The following ETFBKMT variants were observed in gnomAD, a reference collection of about 807,000 sequenced individuals.
ETFBKMT encodes electron transfer flavoprotein subunit beta lysine methyltransferase.
In ETFBKMT, 13 loss-of-function variants were observed where a neutral mutation model predicts 18.3. That is an observed-to-expected ratio of 0.71 (90% CI 0.46 to 1.13). The LOEUF is 1.13. Among genes scored for constraint, ETFBKMT ranks in the 50% most tolerant of loss-of-function variants. The pLI is 0.00. For synonymous variants in ETFBKMT, 84 were observed against 107.9 expected (o/e 0.78, Z 1.37); for missense variants, 293 against 306.2 (o/e 0.96, Z 0.32).
At chr12:31,666,990 T>C (rs1381699776) in intron 3 of ETFBKMT, among the ~76,000 whole-genome samples, 3 of 145,188 alleles carry the variant, frequency 2.1e-5, no homozygotes, top group South Asian at 4.4e-4. Flanking sequence ...GTCTCAGTTC[T>C]TTTTTTTTCT....
At chr12:31,656,717 T>C (rs769067498), upstream of ETFBKMT, among the ~76,000 whole-genome samples, 1 of 152,248 alleles carries the variant, frequency 6.6e-6, no homozygotes, top group Non-Finnish European at 1.5e-5. Context: ...GTTACCTTAG[T>C]TCTGTCTCCA....
chr12:31,661,774 T>G (rs1259039958), intron 1 of ETFBKMT, 67 bp from the exon 2 acceptor site: 8 of 630,546 alleles, frequency 1.3e-5, no homozygotes, highest in Middle Eastern at 4.0e-4. Context: ...TTTCTTATTA[T>G]GTAATAGGAT....
chr12:31,672,783 C>A lies in ETFBKMT; in HGVS notation c.*4793C>A. The A allele has an allele frequency of 6.0e-6, 1 of 166,936 alleles. No homozygotes were observed. The highest frequency in any genetic ancestry group is 6.0e-5 in the Admixed American group (1 of 16,606). The allele number at this position is 166,936 out of a possible 1,614,324, so 10.3% of individuals were successfully genotyped here. On this transcript the variant is annotated 3_prime_UTR_variant, in exon 4 of 4. Coordinates refer to ENST00000357721, the MANE Select transcript of ETFBKMT (RefSeq NM_001135863.2). ...AGCATTTAATGAAGGGAATATTTACCAAAAAAGTAGGATTAAAGAAAGCCA... is the reference window on the plus strand; with the variant it reads ...AGCATTTAATGAAGGGAATATTTACAAAAAAAGTAGGATTAAAGAAAGCCA...
At chr12:31,666,331 A>G (rs148562183) in intron 3 of ETFBKMT, 114 bp downstream of exon 3, 18 of 1,126,158 alleles carry the variant, frequency 1.6e-5, no homozygotes, top group Admixed American at 1.2e-4. Flanking sequence ...GTGATTGGAC[A>G]TTGTGAATCT....
chr12:31,665,550 G>A (rs913386201), intron 2 of ETFBKMT, among the ~76,000 whole-genome samples: 10 of 151,922 alleles, frequency 6.6e-5, no homozygotes, highest in African/African-American at 2.4e-4. Flanking sequence ...CGGCTGGGGA[G>A]ACCCTAACCC....
intron 1 of ETFBKMT, among the ~76,000 whole-genome samples, chr12:31,653,375 CTTAG>C (rs1355800498): frequency 4.6e-5 from 7 of 150,824 alleles, no homozygotes; most frequent in Admixed American, 2.0e-4. Flanking sequence ...GCACCACAGT[CTTAG>C]TTAGCTGAAG....
chr12:31,649,004 G>A (rs907747068), intron 1 of ETFBKMT, among the ~76,000 whole-genome samples: 3 of 143,638 alleles, frequency 2.1e-5, no homozygotes, highest in Admixed American at 7.3e-5. Context: ...TGGAGACGGA[G>A]TCTCGCTTTG....
At chr12:31,660,485 T>C (rs1451707290) in intron 1 of ETFBKMT, among the ~76,000 whole-genome samples, 1 of 152,188 alleles carries the variant, frequency 6.6e-6, no homozygotes, top group Non-Finnish European at 1.5e-5. Flanking sequence ...GTTTAAGTTG[T>C]TCCTCATTCT....
At chr12:31,649,762 TC>T (rs1950998677) in intron 1 of ETFBKMT, among the ~76,000 whole-genome samples, 1 of 90,154 alleles carries the variant, frequency 1.1e-5, no homozygotes, top group African/African-American at 4.7e-5. Flanking sequence ...TGTGTTCTTT[TC>T]CTTTTCTTTT....
At chr12:31,650,626 C>CTTTTTTTTTTTTTT (rs543201341) in intron 1 of ETFBKMT, among the ~76,000 whole-genome samples, 3,701 of 139,854 alleles carry the variant, frequency 0.026, 275 homozygotes, top group East Asian at 0.18. Context: ...AATGACCTGA[C>CTTTTTTTTTTTTTT]CTTTTTTTTT....
chr12:31,648,457 G>A (rs561575841), intron 1 of ETFBKMT, among the ~76,000 whole-genome samples: 202 of 149,232 alleles, frequency 1.4e-3, no homozygotes, highest in Non-Finnish European at 4.3e-4. Context: ...CGCCTCCCAG[G>A]TTCAAGCGAT....
In ETFBKMT at chr12:31,661,960, T is replaced by C. The variant is rs751030412; in HGVS notation, c.7T>C (p.Leu3=). ...GTGTTTGGGGAAAGGACTGATGGCT[T>C]TGAGTCTAGGTTGGAAAGCACACAG... MA[L]SLGWKAHRNH... The change falls in exon 2 of 4, where the codon TTG becomes CTG. Residue 3 remains leucine, a synonymous_variant. Transcript: ENST00000357721. 1 of 1,613,376 alleles carries C rather than the reference T, an allele frequency of 6.2e-7. No individual in the cohort carries two copies. The highest frequency in any genetic ancestry group is 8.5e-7 in the Non-Finnish European group (1 of 1,179,588).
At chr12:31,665,742 T>TTTAGTTA (rs1335777838) in intron 2 of ETFBKMT, among the ~76,000 whole-genome samples, 1 of 150,540 alleles carries the variant, frequency 6.6e-6, no homozygotes, top group Non-Finnish European at 1.5e-5. Context: ...AAGTATCCCT[T>TTTAGTTA]ATGGGAAATG....
chr12:31,659,213 C>T (rs1431711030), upstream of ETFBKMT: 1 of 152,270 alleles, frequency 6.6e-6, no homozygotes, highest in Admixed American at 6.5e-5. Flanking sequence ...GTCCGTCCCG[C>T]CCCCTGCCGG....
At chr12:31,655,490 TCTGGTAAATTTCACACCGA>T (rs917662208), upstream of ETFBKMT, among the ~76,000 whole-genome samples, 2 of 152,158 alleles carry the variant, frequency 1.3e-5, no homozygotes, top group African/African-American at 4.8e-5. Context: ...GAACCTAAAG[TCTGGTAAATTTCACACCGA>T]CTGTGTCAAT....
At position 31,667,742 on chromosome 12, in the gene ETFBKMT, T is replaced by C. The variant is rs767401938; in HGVS notation, c.541T>C (p.Trp181Arg). Reference sequence around the variant, plus strand: ...CATTTTGAATTTGGAACAAGATAAGTGGGACCTTGTTGTTCTTGGCGATAT... The same window carrying C: ...CATTTTGAATTTGGAACAAGATAAGCGGGACCTTGTTGTTCTTGGCGATAT... The part of the protein sequence containing the change: ...QNILNLEQDK[W>R]DLVVLGDMFY... The change falls in exon 4 of 4, where the codon TGG (tryptophan) becomes CGG (arginine). Residue 181 changes from tryptophan to arginine, a missense_variant. Transcript: ENST00000357721. 1.2e-6 allele frequency: 2 copies of C among 1,613,990 alleles called. No homozygotes were observed. Among genetic ancestry groups the C allele is most frequent in the Non-Finnish European group, 1.7e-6 (2 of 1,179,884 alleles).
intron 1 of ETFBKMT, among the ~76,000 whole-genome samples, chr12:31,660,368 G>A (rs1223806815): frequency 1.3e-5 from 2 of 151,998 alleles, no homozygotes; most frequent in African/African-American, 4.8e-5. Context: ...AGCCCCTTGT[G>A]GGGATTTGGA....
chr12:31,650,110 G>C (rs1359267741), intron 1 of ETFBKMT, among the ~76,000 whole-genome samples: 1 of 125,068 alleles, frequency 8.0e-6, no homozygotes. Context: ...TGGTTAACCT[G>C]AGGCTGAAAC....
At chr12:31,651,297 G>C (rs1445131014) in intron 1 of ETFBKMT, among the ~76,000 whole-genome samples, 1 of 141,768 alleles carries the variant, frequency 7.1e-6, no homozygotes, top group Non-Finnish European at 1.5e-5. Flanking sequence ...CTTTGAGAAA[G>C]ATGCCTTCCC....
Sources: allele counts gnomAD v4.1 joint callset (sites outside exome capture counted in the v4.1 genomes callset), GRCh38; gene constraint gnomAD v4.1.1; transcripts MANE v1.5; gene names NCBI Gene and HGNC (gene_info 2026-07-23, HGNC 2026-07-21).